ADGRB2: variants seen among roughly 807,000 people sequenced by gnomAD.
The protein encoded by ADGRB2 is brain-specific angiogenesis inhibitor 2.
ADGRB2 carries 47 observed loss-of-function variants against 178.7 expected under a neutral mutation model. That is an observed-to-expected ratio of 0.26 (90% CI 0.21 to 0.34). The LOEUF (loss-of-function observed/expected upper bound fraction) is 0.34, where lower values mean the gene tolerates loss of function less well. Among genes scored for constraint, ADGRB2 ranks in the 10% least tolerant of loss-of-function variants. The probability of loss-of-function intolerance (pLI) is 1.00; values close to 1 mark genes in which losing one functional copy is unlikely to be tolerated. For synonymous variants in ADGRB2, 870 were observed against 912.4 expected, an observed-to-expected ratio of 0.95 and a Z score of 0.84; for missense variants, 1,584 against 2,180.8, an observed-to-expected ratio of 0.73 and a Z score of 5.45.
At position 31,728,778 on chromosome 1, in the gene ADGRB2, T is replaced by C. The variant is rs563067898; in HGVS notation, c.4381-145A>G. ...CAGGCCCAGAAGTTGCGGACCTTCA[T>C]GGGGCAGCTTTTCAGGCCTCACTGA... On this transcript the variant is annotated intron_variant, in intron 29 of 32. Transcript: ENST00000373658. The surrounding 1 kb of genome is among the most constrained non-coding windows in gnomAD (Gnocchi z 6.7). 1.4e-6 allele frequency: 1 copy of C among 719,650 alleles called. No homozygotes were observed. The highest frequency in any genetic ancestry group is 1.6e-5 in the South Asian group (1 of 63,058). 44.6% of individuals were successfully genotyped at this position (719,650 alleles called of 1,614,324 possible).
In ADGRB2 at chr1:31,735,131, C is replaced by T; in HGVS notation, c.3452+52G>A. ...CCCCCCACCATGGGCACTGCCCCCC[C>T]CAATTCCTTTGCCCCACCCACCCCC... On this transcript the variant is annotated intron_variant, in intron 25 of 32. Transcript: ENST00000373658. This position sits in a 1 kb window ranked among gnomAD's most constrained non-coding sequence, Gnocchi z 6.0. 1 of 1,193,096 alleles carries T rather than the reference C, an allele frequency of 8.4e-7. No homozygotes were observed. The highest frequency in any genetic ancestry group is 1.1e-6 in the Non-Finnish European group (1 of 883,564). The allele number at this position is 1,193,096 out of a possible 1,614,324, so 73.9% of individuals were successfully genotyped here.
At position 31,753,689 on chromosome 1, in the gene ADGRB2, A is replaced by C. The variant is rs1335740487; in HGVS notation, c.838+2310T>G. On this transcript the variant is annotated intron_variant, in intron 4 of 32. Coordinates refer to ENST00000373658, the MANE Select transcript of ADGRB2 (RefSeq NM_001364857.2). The surrounding 1 kb of genome is among the most constrained non-coding windows in gnomAD (Gnocchi z 4.1). ...ACAAGGGGAGGAATGGAGGGGGCCA[A>C]AGGCTCGGCAAAGGTGGTGCTGCCA... Among the ~76,000 whole-genome samples the C allele has an allele frequency of 6.6e-6, 1 of 152,226 alleles. No homozygotes were observed. Among genetic ancestry groups the C allele is most frequent in the Non-Finnish European group, 1.5e-5 (1 of 68,028 alleles).
At chr1:31,752,465 G>A (rs929438898) in intron 4 of ADGRB2, among the ~76,000 whole-genome samples, 1 of 152,206 alleles carries the variant, frequency 6.6e-6, no homozygotes, top group Non-Finnish European at 1.5e-5. Context: ...ACTTCCTGCT[G>A]CCAGACCAGG....
rs934042966 is a variant in ADGRB2, at chr1:31,735,052, G to A, written c.3452+131C>T. On this transcript the variant is annotated intron_variant, in intron 25 of 32. Transcript: ENST00000373658. The surrounding 1 kb of genome is among the most constrained non-coding windows in gnomAD (Gnocchi z 6.0). ...TGCCGAGCCCTTGAGAGTGTGTGGT[G>A]GCTGGCAGGAAAGGGCAAGCTTTCC... The A allele has an allele frequency of 7.7e-6, 7 of 911,272 alleles. No homozygotes were observed. Among genetic ancestry groups the A allele is most frequent in the East Asian group, 2.8e-5 (1 of 35,376 alleles). The allele number at this position is 911,272 out of a possible 1,614,324, so 56.4% of individuals were successfully genotyped here. A position where few individuals can be genotyped will look rare whatever the true frequency, so the allele number is the denominator to read the frequency against.
chr1:31,733,219 G>T lies in ADGRB2; in HGVS notation c.3453-76C>A. 6.8e-7 allele frequency: 1 copy of T among 1,478,688 alleles called. No homozygotes were observed. Among genetic ancestry groups the T allele is most frequent in the Non-Finnish European group, 9.1e-7 (1 of 1,098,718 alleles). 91.6% of individuals were successfully genotyped at this position (1,478,688 alleles called of 1,614,324 possible). A position where few individuals can be genotyped will look rare whatever the true frequency, so the allele number is the denominator to read the frequency against. On this transcript the variant is annotated intron_variant, in intron 25 of 32. Transcript: ENST00000373658. This position sits in a 1 kb window ranked among gnomAD's most constrained non-coding sequence, Gnocchi z 4.3. Reference sequence around the variant, plus strand: ...TGGCTTGAGCCTAGGCCTCCACTCAGCTGGAGCTCTTCAGCTGCCCAAGAC... The same window carrying T: ...TGGCTTGAGCCTAGGCCTCCACTCATCTGGAGCTCTTCAGCTGCCCAAGAC...
chr1:31,759,174 A>G lies in ADGRB2; in HGVS notation c.-190-1663T>C. On this transcript the variant is annotated intron_variant, in intron 1 of 32. Transcript: ENST00000373658. This position sits in a 1 kb window ranked among gnomAD's most constrained non-coding sequence, Gnocchi z 4.3. Reference sequence around the variant, plus strand: ...AGGAGTTCTGCATATGAATGGATACATATGTACACGGACATGCACACAGGT... The same window carrying G: ...AGGAGTTCTGCATATGAATGGATACGTATGTACACGGACATGCACACAGGT... The G allele has an allele frequency of 1.4e-6, 1 of 712,114 alleles. No homozygotes were observed. The highest frequency in any genetic ancestry group is 2.6e-6 in the Non-Finnish European group (1 of 380,620). The allele number at this position is 712,114 out of a possible 1,614,324, so 44.1% of individuals were successfully genotyped here.
chr1:31,731,258 C>A lies in ADGRB2; in HGVS notation c.3922G>T (p.Ala1308Ser). Residue 1308 changes from alanine (A) to serine (S), a missense_variant, in exon 29 of 33, where the codon GCC (alanine) becomes TCC (serine). Physicochemically the swap from Ala to Ser is moderately conservative, Grantham distance 99 (BLOSUM62 1). Around this residue, in one of 3 missense-constraint regions of ADGRB2, gnomAD observed 865 missense variants for 1,192.8 expected, o/e 0.73. Transcript: ENST00000373658. ...GGAGGCTCCCCCAGCCCTGGTGAGG[C>A]TGCCATGGGCACCAGGATATTCCCA... Reference protein sequence around the residue: ...LPGNILVPMAASPGLGEPPPP... With the variant: ...LPGNILVPMASSPGLGEPPPP... The A allele has an allele frequency of 6.2e-7, 1 of 1,609,618 alleles. No individual in the cohort carries two copies. The highest frequency in any genetic ancestry group is 8.5e-7 in the Non-Finnish European group (1 of 1,178,612).
At position 31,733,248 on chromosome 1, in the gene ADGRB2, G is replaced by A; in HGVS notation, c.3453-105C>T. 7.6e-7 allele frequency: 1 copy of A among 1,318,164 alleles called. No individual in the cohort carries two copies. Among genetic ancestry groups the A allele is most frequent in the South Asian group, 1.4e-5 (1 of 70,422 alleles). 81.7% of individuals were successfully genotyped at this position (1,318,164 alleles called of 1,614,324 possible). A position where few individuals can be genotyped will look rare whatever the true frequency, so the allele number is the denominator to read the frequency against. ...GAGCTCTTCAGCTGCCCAAGACTGG[G>A]AGGGCCCCAAACCCCAGGGCCTCAG... On this transcript the variant is annotated intron_variant, in intron 25 of 32. Transcript: ENST00000373658. The surrounding 1 kb of genome is among the most constrained non-coding windows in gnomAD (Gnocchi z 4.3).
chr1:31,750,834 C>CT (rs1314201104), intron 4 of ADGRB2, among the ~76,000 whole-genome samples: 3 of 152,120 alleles, frequency 2.0e-5, no homozygotes, highest in African/African-American at 4.8e-5. Context: ...TCCAATGAAA[C>CT]TGGGTACCCC....
In ADGRB2 at chr1:31,756,179, G is replaced by A; in HGVS notation, c.658C>T (p.Gln220Ter). The part of the protein sequence containing the change: ...RAAGRACGFA[Q>*]PGCSCPGEAG... ...TCTCCAGGGCAGCTGCAGCCTGGCT[G>A]AGCAAAGCCGCAGGCCCTGCCGGCA... is the stretch of plus-strand genomic sequence containing the variant. The change falls in exon 4 of 33, where the codon CAG (glutamine) becomes TAG (stop). Residue 220 changes from glutamine to a stop codon, truncating the protein, a stop_gained. Transcript: ENST00000373658. LOFTEE classifies it high-confidence loss of function. The surrounding 1 kb of genome is among the most constrained non-coding windows in gnomAD (Gnocchi z 8.5). 6.2e-7 allele frequency: 1 copy of A among 1,613,150 alleles called. No homozygotes were observed. The highest frequency in any genetic ancestry group is 8.5e-7 in the Non-Finnish European group (1 of 1,179,878).
At position 31,728,098 on chromosome 1, in the gene ADGRB2, C is replaced by T. The variant is rs141155138; in HGVS notation, c.4516-17G>A. On this transcript the variant is annotated splice_polypyrimidine_tract_variant and intron_variant, in intron 31 of 32. Coordinates refer to ENST00000373658, the MANE Select transcript of ADGRB2 (RefSeq NM_001364857.2). This position sits in a 1 kb window ranked among gnomAD's most constrained non-coding sequence, Gnocchi z 6.7. ...CTTCTCCCTCTGCAACGGGGGCCACCGGTCAGGCTCCAACCCCAGGGGCCA... is the reference window on the plus strand; with the variant it reads ...CTTCTCCCTCTGCAACGGGGGCCACTGGTCAGGCTCCAACCCCAGGGGCCA... The T allele has an allele frequency of 1.2e-3, 1,934 of 1,610,694 alleles. 17 individuals carry two copies. The African/African-American group carries it at 0.023, about 19-fold the overall frequency.
At chr1:31,738,369 T>C (rs1569856391) in intron 17 of ADGRB2, 43 bp from the exon 18 acceptor site, 2 of 1,611,644 alleles carry the variant, frequency 1.2e-6, no homozygotes, top group South Asian at 1.1e-5. Context: ...GCCAGCTACG[T>C]GGCCCTGCCC....
rs1328776708 is a variant in ADGRB2 at position 31,740,926 on chromosome 1, CTG to C, written c.1795-387_1795-386del. 8.0e-5 allele frequency among the ~76,000 whole-genome samples: 11 copies of C among 137,222 alleles called. No individual in the cohort carries two copies. The highest frequency in any genetic ancestry group is 1.6e-5 in the Non-Finnish European group (1 of 63,498). The allele number at this position is 137,222 out of a possible 152,430, so 90.0% of individuals were successfully genotyped here. A position where few individuals can be genotyped will look rare whatever the true frequency, so the allele number is the denominator to read the frequency against. On this transcript the variant is annotated intron_variant, in intron 11 of 32. Coordinates refer to ENST00000373658, the MANE Select transcript of ADGRB2 (RefSeq NM_001364857.2). The surrounding 1 kb of genome is among the most constrained non-coding windows in gnomAD (Gnocchi z 5.9). ...ACACACACACACACACACACACACA[CTG>C]TCTTTCTCTCTCTCACTCTCTCTCA... is the stretch of plus-strand genomic sequence containing the variant.
rs1310753417 is a variant in ADGRB2, at chr1:31,735,176, G to A, written c.3452+7C>T. The stretch of plus-strand genomic sequence containing the variant: ...ACCCCCACCGCCCCCCAGGGGGCAC[G>A]ACTAACATGGCGTTCCTGGCCGAGG... On this transcript the variant is annotated splice_region_variant and intron_variant, in intron 25 of 32. Transcript: ENST00000373658. The surrounding 1 kb of genome is among the most constrained non-coding windows in gnomAD (Gnocchi z 6.0). The A allele has an allele frequency of 3.0e-5, 36 of 1,189,218 alleles. No homozygotes were observed. Among genetic ancestry groups the A allele is most frequent in the East Asian group, 9.5e-5 (2 of 21,146 alleles). The allele number at this position is 1,189,218 out of a possible 1,614,324, so 73.7% of individuals were successfully genotyped here. A position where few individuals can be genotyped will look rare whatever the true frequency, so the allele number is the denominator to read the frequency against.
chr1:31,760,904 G>A (rs1647023317), intron 1 of ADGRB2: 1 of 152,250 alleles, frequency 6.6e-6, no homozygotes, highest in South Asian at 2.1e-4. Flanking sequence ...CCTCTGTGCA[G>A]TCCTCCCGCT....
Position 31,763,994 on chromosome 1 carries a change from G to A in ADGRB2, c.-301C>T, listed in dbSNP as rs1216270914. The A allele has an allele frequency of 4.3e-5, 42 of 979,194 alleles. No homozygotes were observed. The highest frequency in any genetic ancestry group is 5.3e-4 in the Middle Eastern group (1 of 1,894). The allele number at this position is 979,194 out of a possible 1,614,324, so 60.7% of individuals were successfully genotyped here. The stretch of plus-strand genomic sequence containing the variant: ...CGGGCCGGGCGCAGGGTAGGTAGCT[G>A]CAGCCGCGCGGAGGGCCGAGGCTCC... On this transcript the variant is annotated 5_prime_UTR_variant, in exon 1 of 33. Coordinates refer to ENST00000373658, the MANE Select transcript of ADGRB2 (RefSeq NM_001364857.2).
chr1:31,727,229 G>C lies in ADGRB2; in HGVS notation c.*191C>G. 3 of 595,790 alleles carry C rather than the reference G, an allele frequency of 5.0e-6. No individual in the cohort carries two copies. Among genetic ancestry groups the C allele is most frequent in the Non-Finnish European group, 8.0e-6 (3 of 373,458 alleles). The allele number at this position is 595,790 out of a possible 1,614,324, so 36.9% of individuals were successfully genotyped here. On this transcript the variant is annotated 3_prime_UTR_variant, in exon 33 of 33. Coordinates refer to ENST00000373658, the MANE Select transcript of ADGRB2 (RefSeq NM_001364857.2). The surrounding 1 kb of genome is among the most constrained non-coding windows in gnomAD (Gnocchi z 4.4). Reference sequence around the variant, plus strand: ...GTTCCAGTGGCTGAGGGGCCTCTGAGAAACAAGGAAGGGCCCTGGGACCCC... The same window carrying C: ...GTTCCAGTGGCTGAGGGGCCTCTGACAAACAAGGAAGGGCCCTGGGACCCC...
Position 31,728,208 on chromosome 1 carries a change from G to C in ADGRB2, c.4489C>G (p.Arg1497Gly). ...ELNQKFHTFD[R>G]YRSQSTAKRE... ...TTGGCCGTGGACTGGCTGCGGTAGCGGTCGAAAGTGTGGAACTTCTGGTTG... is the reference window on the plus strand; with the variant it reads ...TTGGCCGTGGACTGGCTGCGGTAGCCGTCGAAAGTGTGGAACTTCTGGTTG... The change falls in exon 31 of 33, where the codon CGC becomes GGC. Residue 1497 changes from arginine (R) to glycine (G), a missense_variant. Arg to Gly is a moderately radical substitution (Grantham distance 125, BLOSUM62 -2). This residue lies in a region of ADGRB2 where 865 missense variants were observed against 1,192.8 expected (regional missense o/e 0.73). Coordinates refer to ENST00000373658, the MANE Select transcript of ADGRB2 (RefSeq NM_001364857.2). The surrounding 1 kb of genome is among the most constrained non-coding windows in gnomAD (Gnocchi z 6.7). 1 of 1,614,200 alleles carries C rather than the reference G, an allele frequency of 6.2e-7. No individual in the cohort carries two copies. Among genetic ancestry groups the C allele is most frequent in the Non-Finnish European group, 8.5e-7 (1 of 1,180,020 alleles).
At position 31,756,312 on chromosome 1, in the gene ADGRB2, G is replaced by A. The variant is rs4949223; in HGVS notation, c.525C>T (p.Pro175=). ...CGACAAAGCGGAAGGCTAGGGCAGCGGGCGCCAGCAGGCGCGGGGCCTCGG... is the reference window on the plus strand; with the variant it reads ...CGACAAAGCGGAAGGCTAGGGCAGCAGGCGCCAGCAGGCGCGGGGCCTCGG... The part of the protein sequence containing the change: ...EPSEAPRLLA[P]AALAFRFVEV... Residue 175 remains proline (P), a synonymous_variant, in exon 4 of 33, where the codon CCC becomes CCT. Coordinates refer to ENST00000373658, the MANE Select transcript of ADGRB2 (RefSeq NM_001364857.2). This position sits in a 1 kb window ranked among gnomAD's most constrained non-coding sequence, Gnocchi z 8.5. 0.14 allele frequency: 224,706 copies of A among 1,612,924 alleles called. 18,069 individuals are homozygous for A. Among genetic ancestry groups the A allele is most frequent in the South Asian group, 0.32 (29,308 of 91,088 alleles).
Sources: allele counts gnomAD v4.1 joint callset (sites outside exome capture counted in the v4.1 genomes callset), GRCh38; gene constraint gnomAD v4.1.1; regional missense constraint gnomAD v4.1.1; non-coding constraint Gnocchi (gnomAD v3.1); transcripts MANE v1.5; gene names NCBI Gene and HGNC (gene_info 2026-07-23, HGNC 2026-07-21).